CFAP141: variants seen among roughly 807,000 people sequenced by gnomAD.
CFAP141 encodes the protein cilia and flagella associated protein 141.
the CFAP141 span, among the ~76,000 whole-genome samples, chr1:154,204,762 A>G: frequency 3.3e-5 from 5 of 151,232 alleles, no homozygotes; most frequent in East Asian, 5.8e-4. Flanking sequence ...GGGTTTTCCT[A>G]TGTTGCCCAG....
chr1:154,205,530 G>A, the CFAP141 span: 4 of 1,419,590 alleles, frequency 2.8e-6, no homozygotes, highest in Admixed American at 6.7e-5. Flanking sequence ...TTGGGAGGTG[G>A]CTCAGGGAAG....
the CFAP141 span, among the ~76,000 whole-genome samples, chr1:154,201,875 A>G: frequency 6.6e-6 from 1 of 151,876 alleles, no homozygotes; most frequent in Non-Finnish European, 1.5e-5. Context: ...GGTTCAAGCA[A>G]TTCTCATGCC....
At chr1:154,205,017 G>A in the CFAP141 span, among the ~76,000 whole-genome samples, 1 of 151,824 alleles carries the variant, frequency 6.6e-6, no homozygotes, top group Non-Finnish European at 1.5e-5. Context: ...GAGTAGCTGG[G>A]ACTACAGGCG....
At chr1:154,200,367 G>A in the CFAP141 span, 26 of 1,339,098 alleles carry the variant, frequency 1.9e-5, no homozygotes, top group Non-Finnish European at 2.7e-5. Flanking sequence ...AGATAAATGT[G>A]CAATGACACA....
At chr1:154,199,538 A>G in the CFAP141 span, 1 of 1,569,392 alleles carries the variant, frequency 6.4e-7, no homozygotes, top group Non-Finnish European at 8.7e-7. Flanking sequence ...CCTGGTGGAG[A>G]GGGCAGAATA....
At chr1:154,205,483 T>C in the CFAP141 span, 1 of 970,962 alleles carries the variant, frequency 1.0e-6, no homozygotes, top group South Asian at 1.3e-5. Flanking sequence ...CCGCATCTGT[T>C]TTCCTCTTGA....
the CFAP141 span, chr1:154,200,351 C>G: frequency 8.2e-7 from 1 of 1,220,548 alleles, no homozygotes; most frequent in Non-Finnish European, 1.2e-6. Flanking sequence ...AACCTAGAGG[C>G]AAACAAGATA....
the CFAP141 span, chr1:154,206,285 T>G: frequency 1.8e-5 from 29 of 1,613,980 alleles, no homozygotes; most frequent in Non-Finnish European, 2.5e-5. Flanking sequence ...CTCTTCTACT[T>G]TTGTCATCTT....
chr1:154,202,399 G>T, the CFAP141 span, among the ~76,000 whole-genome samples: 1 of 151,994 alleles, frequency 6.6e-6, no homozygotes, highest in Non-Finnish European at 1.5e-5. Flanking sequence ...TTAATATATA[G>T]AAAGAATATA....
At chr1:154,200,557 G>T in the CFAP141 span, 2 of 1,614,186 alleles carry the variant, frequency 1.2e-6, no homozygotes, top group Non-Finnish European at 1.7e-6. Context: ...AATGCCATTT[G>T]CCACAGACAG....
the CFAP141 span, chr1:154,206,151 G>C: frequency 1.1e-6 from 1 of 910,514 alleles, no homozygotes; most frequent in Non-Finnish European, 1.9e-6. Context: ...TCCCACTCCT[G>C]TTACTAACTA....
At chr1:154,200,529 G>A in the CFAP141 span, 68 of 1,614,144 alleles carry the variant, frequency 4.2e-5, no homozygotes, top group African/African-American at 7.3e-4. Context: ...GGTGGCATAC[G>A]GGTTTCTTCT....
chr1:154,206,033 G>T, the CFAP141 span, among the ~76,000 whole-genome samples: 1 of 152,210 alleles, frequency 6.6e-6, no homozygotes, highest in East Asian at 1.9e-4. Flanking sequence ...GCAATTTCCT[G>T]GGGGGAAATA....
At chr1:154,200,690 CTTTTT>C in the CFAP141 span, 6 of 1,313,364 alleles carry the variant, frequency 4.6e-6, no homozygotes, top group Non-Finnish European at 6.3e-6. Flanking sequence ...TTTTTCTTTT[CTTTTT>C]TTTTGAGACA....
chr1:154,203,193 A>G, the CFAP141 span, among the ~76,000 whole-genome samples: 1 of 26,418 alleles, frequency 3.8e-5, no homozygotes, highest in Admixed American at 3.4e-4. Flanking sequence ...ATATATATAT[A>G]TATATATATA....
At chr1:154,205,590 C>T in the CFAP141 span, 1 of 1,613,574 alleles carries the variant, frequency 6.2e-7, no homozygotes, top group Non-Finnish European at 8.5e-7. Context: ...GGGATAGAAG[C>T]AGATTACCTG....
chr1:154,203,766 T>A, the CFAP141 span, among the ~76,000 whole-genome samples: 1 of 152,058 alleles, frequency 6.6e-6, no homozygotes, highest in South Asian at 2.1e-4. Flanking sequence ...GGGAAGTACA[T>A]CTTCTTTTTT....
chr1:154,204,571 G>A, the CFAP141 span, among the ~76,000 whole-genome samples: 1 of 145,462 alleles, frequency 6.9e-6, no homozygotes, highest in African/African-American at 2.6e-5. Flanking sequence ...ATGAGCCAAT[G>A]TGCCCAGCTC....
the CFAP141 span, among the ~76,000 whole-genome samples, chr1:154,201,576 C>T: frequency 1.4e-4 from 21 of 151,746 alleles, no homozygotes; most frequent in African/African-American, 4.1e-4. Context: ...TTAGTAGAGA[C>T]GAGGTTTCAC....
Sources: allele counts gnomAD v4.1 joint callset (sites outside exome capture counted in the v4.1 genomes callset), GRCh38; gene constraint gnomAD v4.1.1; transcripts MANE v1.5; gene names NCBI Gene and HGNC (gene_info 2026-07-23, HGNC 2026-07-21).